LMO3: variants seen among roughly 807,000 people sequenced by gnomAD.
The protein encoded by LMO3 is LIM domain only 3, also known as LIM domain only protein 3.
Under a neutral mutation model 15.8 loss-of-function variants are expected in LMO3, and 2 were observed. The observed-to-expected ratio is 0.13, with a 90% CI of 0.05 to 0.40. LMO3 has a LOEUF of 0.40. LMO3 is among the 10% of genes least tolerant of loss of function. LMO3 has a pLI of 0.99. For missense variants in LMO3, 86 were observed against 182.2 expected (o/e 0.47, Z 3.04); for synonymous variants, 62 against 63.8 (o/e 0.97, Z 0.13).
chr12:16,586,247 G>T lies in LMO3; in HGVS notation c.206+14408C>A, dbSNP rs1287134343. Among the ~76,000 whole-genome samples, 1 of 152,164 alleles carries T rather than the reference G, an allele frequency of 6.6e-6. No individual in the cohort carries two copies. The highest frequency in any genetic ancestry group is 2.4e-5 in the African/African-American group (1 of 41,442). ...CTTAAAACATAAGAATGGAAAAGCAGCATTTGAAGTTGTAATCTCTGGCAA... is the reference window on the plus strand; with the variant it reads ...CTTAAAACATAAGAATGGAAAAGCATCATTTGAAGTTGTAATCTCTGGCAA... On this transcript the variant is annotated intron_variant, in intron 2 of 3. Coordinates refer to ENST00000537304, the MANE Select transcript of LMO3 (RefSeq NM_018640.5). The surrounding 1 kb of genome is among the most constrained non-coding windows in gnomAD (Gnocchi z 4.3).
rs1018321780 is a variant in LMO3 at position 16,599,746 on chromosome 12, T to G, written c.206+909A>C. 6.6e-6 allele frequency: 1 copy of G among 152,166 alleles called. No homozygotes were observed. Among genetic ancestry groups the G allele is most frequent in the African/African-American group, 2.4e-5 (1 of 41,438 alleles). 9.4% of individuals were successfully genotyped at this position (152,166 alleles called of 1,614,324 possible). On this transcript the variant is annotated intron_variant, in intron 2 of 3. Coordinates refer to ENST00000537304, the MANE Select transcript of LMO3 (RefSeq NM_018640.5). This position sits in a 1 kb window ranked among gnomAD's most constrained non-coding sequence, Gnocchi z 4.1. ...GCCTGAAAAGCAAAATAATTTTCCT[T>G]CAGCAGAAATTCTGTGTTGAGTACT... is the stretch of plus-strand genomic sequence containing the variant.
chr12:16,605,951 C>G, intron 1 of LMO3, 115 bp downstream of exon 1: 2 of 840,528 alleles, frequency 2.4e-6, no homozygotes, highest in Non-Finnish European at 3.7e-6. Flanking sequence ...GTTTATGCCT[C>G]ATTAGCAGAG....
rs1346686822 is a variant in LMO3 at position 16,587,653 on chromosome 12, G to T, written c.206+13002C>A. On this transcript the variant is annotated intron_variant, in intron 2 of 3. Transcript: ENST00000537304. The surrounding 1 kb of genome is among the most constrained non-coding windows in gnomAD (Gnocchi z 4.3). Reference sequence around the variant, plus strand: ...AATGGACCCTATAATAGCAAGCACTGGTCTGTCAGGAGTGCATTTTAACAG... The same window carrying T: ...AATGGACCCTATAATAGCAAGCACTTGTCTGTCAGGAGTGCATTTTAACAG... Among the ~76,000 whole-genome samples, 3 of 151,842 alleles carry T rather than the reference G, an allele frequency of 2.0e-5. No homozygotes were observed. Among genetic ancestry groups the T allele is most frequent in the Non-Finnish European group, 4.4e-5 (3 of 67,924 alleles).
At position 16,593,322 on chromosome 12, in the gene LMO3, C is replaced by A. The variant is rs1943549927; in HGVS notation, c.206+7333G>T. Among the ~76,000 whole-genome samples, 1 of 151,704 alleles carries A rather than the reference C, an allele frequency of 6.6e-6. No individual in the cohort carries two copies. Among genetic ancestry groups the A allele is most frequent in the South Asian group, 2.1e-4 (1 of 4,828 alleles). ...GGAGAGTTTTAATATTAAATTGAATCATAACAACACATGCTGATTAGAGTC... is the reference window on the plus strand; with the variant it reads ...GGAGAGTTTTAATATTAAATTGAATAATAACAACACATGCTGATTAGAGTC... On this transcript the variant is annotated intron_variant, in intron 2 of 3. Coordinates refer to ENST00000537304, the MANE Select transcript of LMO3 (RefSeq NM_018640.5). This position sits in a 1 kb window ranked among gnomAD's most constrained non-coding sequence, Gnocchi z 4.2.
At chr12:16,609,572 C>T (rs1238399150), upstream of LMO3, among the ~76,000 whole-genome samples, 1 of 151,980 alleles carries the variant, frequency 6.6e-6, no homozygotes, top group Non-Finnish European at 1.5e-5. Flanking sequence ...GAATTTACTT[C>T]ATCCAGCCCC....
At chr12:16,577,959 A>C (rs1333181861) in intron 2 of LMO3, among the ~76,000 whole-genome samples, 1 of 152,198 alleles carries the variant, frequency 6.6e-6, no homozygotes, top group East Asian at 1.9e-4. Flanking sequence ...ATTTGAGTTT[A>C]CCTGGGTATC....
chr12:16,605,712 GT>G (rs766611730), intron 1 of LMO3: 48 of 1,462,908 alleles, frequency 3.3e-5, no homozygotes, highest in Non-Finnish European at 4.4e-5. Context: ...GGAGTCAGGG[GT>G]GTGGAAATAC....
In LMO3 at chr12:16,603,764, CCATT is replaced by C. The variant is rs532605490; in HGVS notation, c.-9+2298_-9+2301del. Among the ~76,000 whole-genome samples, 124 of 152,196 alleles carry C rather than the reference CCATT, an allele frequency of 8.1e-4. No individual in the cohort carries two copies. Among genetic ancestry groups the C allele is most frequent in the Non-Finnish European group, 1.4e-3 (94 of 68,018 alleles). ...CTCCATTATGTTCCCTTGTTCTGTA[CCATT>C]CATCCGCACAGTCTCAGCTTCAGTA... On this transcript the variant is annotated intron_variant, in intron 1 of 3. Coordinates refer to ENST00000537304, the MANE Select transcript of LMO3 (RefSeq NM_018640.5). This position sits in a 1 kb window ranked among gnomAD's most constrained non-coding sequence, Gnocchi z 4.9.
Position 16,577,429 on chromosome 12 carries a change from T to C in LMO3, c.207-16891A>G, listed in dbSNP as rs149795263. On this transcript the variant is annotated intron_variant, in intron 2 of 3. Transcript: ENST00000537304. ...GTTATTCTTCATTATTTTCATCATATAGGTTGTCATCTTATTGCATTTATT... is the reference window on the plus strand; with the variant it reads ...GTTATTCTTCATTATTTTCATCATACAGGTTGTCATCTTATTGCATTTATT... Among the ~76,000 whole-genome samples the C allele has an allele frequency of 2.6e-5, 4 of 152,304 alleles. No homozygotes were observed. In the East Asian group the frequency reaches 7.7e-4, roughly 29 times the overall value.
intron 3 of LMO3, among the ~76,000 whole-genome samples, chr12:16,553,596 T>C (rs1166856660): frequency 6.6e-6 from 1 of 152,078 alleles, no homozygotes; most frequent in Non-Finnish European, 1.5e-5. Flanking sequence ...AAGGTCAAGA[T>C]GAAACGAACA....
At chr12:16,556,653 G>A (rs888558178) in intron 3 of LMO3, among the ~76,000 whole-genome samples, 1 of 152,120 alleles carries the variant, frequency 6.6e-6, no homozygotes, top group Non-Finnish European at 1.5e-5. Context: ...GCAATATTGC[G>A]ACAATGATTT....
chr12:16,586,976 G>T lies in LMO3; in HGVS notation c.206+13679C>A, dbSNP rs1433321479. Among the ~76,000 whole-genome samples, 2 of 152,144 alleles carry T rather than the reference G, an allele frequency of 1.3e-5. No homozygotes were observed. The highest frequency in any genetic ancestry group is 4.8e-5 in the African/African-American group (2 of 41,438). On this transcript the variant is annotated intron_variant, in intron 2 of 3. Transcript: ENST00000537304. The surrounding 1 kb of genome is among the most constrained non-coding windows in gnomAD (Gnocchi z 4.3). ...CATGCTTTATCATCATTCAGTAGCA[G>T]TTTATTCATTAGAACATTCTGTACT...
At chr12:16,588,071 A>G (rs1043993787) in intron 2 of LMO3, among the ~76,000 whole-genome samples, 13 of 152,120 alleles carry the variant, frequency 8.5e-5, no homozygotes, top group African/African-American at 2.9e-4. Context: ...TTATCAAACA[A>G]CTTTCAATTA....
chr12:16,563,395 T>C (rs1260922298), intron 2 of LMO3, among the ~76,000 whole-genome samples: 9 of 152,216 alleles, frequency 5.9e-5, no homozygotes, highest in South Asian at 2.1e-4. Context: ...ATGTATAATG[T>C]TATCCTTTGG....
At chr12:16,581,915 C>T (rs1302125474) in intron 2 of LMO3, among the ~76,000 whole-genome samples, 1 of 151,688 alleles carries the variant, frequency 6.6e-6, no homozygotes, top group Admixed American at 6.6e-5. Flanking sequence ...CTAAATGTAC[C>T]TATTTCTTGA....
rs1943683070 is a variant in LMO3, at chr12:16,597,123, A to G, written c.206+3532T>C. ...AAATGGGCAAATTCTGTCTCATCAG[A>G]TATGTACATTTTATGTTCCACAGCT... On this transcript the variant is annotated intron_variant, in intron 2 of 3. Coordinates refer to ENST00000537304, the MANE Select transcript of LMO3 (RefSeq NM_018640.5). The surrounding 1 kb of genome is among the most constrained non-coding windows in gnomAD (Gnocchi z 5.0). Among the ~76,000 whole-genome samples, 1 of 151,718 alleles carries G rather than the reference A, an allele frequency of 6.6e-6. No individual in the cohort carries two copies. The highest frequency in any genetic ancestry group is 1.5e-5 in the Non-Finnish European group (1 of 67,710).
intron 1 of LMO3, among the ~76,000 whole-genome samples, chr12:16,601,145 A>T (rs1328036037): frequency 1.3e-5 from 2 of 152,222 alleles, no homozygotes; most frequent in African/African-American, 4.8e-5. Context: ...GTTCAATAAC[A>T]TTAAATAATT....
At position 16,588,631 on chromosome 12, in the gene LMO3, CTTAAT is replaced by C. The variant is rs149957662; in HGVS notation, c.206+12019_206+12023del. Among the ~76,000 whole-genome samples, 624 of 152,210 alleles carry C rather than the reference CTTAAT, an allele frequency of 4.1e-3. 3 individuals are homozygous for C. Among genetic ancestry groups the C allele is most frequent in the South Asian group, 0.017 (81 of 4,826 alleles). On this transcript the variant is annotated intron_variant, in intron 2 of 3. Transcript: ENST00000537304. ...TAATTTATATAAAGCACACTACAAT[CTTAAT>C]TTAACAATCCATTCCAAATTCCAAT... is the stretch of plus-strand genomic sequence containing the variant.
intron 2 of LMO3, among the ~76,000 whole-genome samples, chr12:16,561,266 T>C (rs1371732331): frequency 2.6e-5 from 4 of 152,190 alleles, no homozygotes. Context: ...ATAAAATGTC[T>C]CTCATTTCAT....
Sources: gnomAD v4.1 joint callset for allele counts (sites outside exome capture counted in the v4.1 genomes callset) on GRCh38, gnomAD v4.1.1 for gene constraint, Gnocchi (gnomAD v3.1) non-coding constraint, MANE v1.5 for transcripts, NCBI Gene and HGNC (gene_info 2026-07-23, HGNC 2026-07-21) for gene names.